Variants in FRMD5 observed in about 807,000 individuals in gnomAD.
The protein encoded by FRMD5 is FERM domain-containing protein 5.
A neutral mutation model predicts 69.0 loss-of-function variants in FRMD5; 20 were observed. The observed-to-expected ratio is 0.29, with a 90% CI of 0.20 to 0.42. The LOEUF (loss-of-function observed/expected upper bound fraction) is 0.42, where lower values mean the gene tolerates loss of function less well. Among genes scored for constraint, FRMD5 ranks in the 10% least tolerant of loss-of-function variants. FRMD5 has a pLI of 1.00. For missense variants in FRMD5, 595 were observed against 708.6 expected (o/e 0.84, Z 1.82); for synonymous variants, 271 against 260.1 (o/e 1.04, Z -0.40).
intron 1 of FRMD5, among the ~76,000 whole-genome samples, chr15:44,049,118 T>C (rs938032725): frequency 1.3e-5 from 2 of 152,306 alleles, no homozygotes; most frequent in Middle Eastern, 3.4e-3. Flanking sequence ...ATGAGGGAGA[T>C]AGCCCATGCA....
chr15:43,991,635 G>A (rs1889683207), intron 1 of FRMD5, among the ~76,000 whole-genome samples: 1 of 152,144 alleles, frequency 6.6e-6, no homozygotes, highest in Non-Finnish European at 1.5e-5. Context: ...TCTGTCTTTG[G>A]TGCTGATAAT....
chr15:43,979,837 G>T (rs2090521072), intron 1 of FRMD5, among the ~76,000 whole-genome samples: 1 of 152,166 alleles, frequency 6.6e-6, no homozygotes, highest in South Asian at 2.1e-4. Context: ...GTTAAATAAT[G>T]AGATAAAGCA....
intron 1 of FRMD5, among the ~76,000 whole-genome samples, chr15:44,185,563 G>A (rs1263413387): frequency 8.6e-5 from 13 of 152,030 alleles, no homozygotes; most frequent in Non-Finnish European, 1.5e-4. Context: ...AGGCTGAGGC[G>A]GGTGGATTGC....
chr15:43,956,784 T>A (rs971215602), intron 1 of FRMD5, among the ~76,000 whole-genome samples: 1 of 152,232 alleles, frequency 6.6e-6, no homozygotes, highest in African/African-American at 2.4e-5. Flanking sequence ...AGTTCATGAA[T>A]TTCAGAAGAA....
chr15:44,014,655 T>C (rs1208681911), intron 1 of FRMD5, among the ~76,000 whole-genome samples: 4 of 152,090 alleles, frequency 2.6e-5, no homozygotes, highest in African/African-American at 9.7e-5. Context: ...GAGAATCGCT[T>C]GAACCCAGGA....
chr15:44,021,379 A>G (rs1341022497), intron 1 of FRMD5, among the ~76,000 whole-genome samples: 1 of 152,214 alleles, frequency 6.6e-6, no homozygotes, highest in Non-Finnish European at 1.5e-5. Flanking sequence ...TCAGCATGGG[A>G]GGAAATATTT....
intron 1 of FRMD5, among the ~76,000 whole-genome samples, chr15:43,951,154 C>T (rs1017407559): frequency 2.0e-5 from 3 of 152,054 alleles, no homozygotes; most frequent in Admixed American, 6.5e-5. Context: ...GGCGTGGTGG[C>T]TCACACCTAT....
At chr15:44,198,267 C>T (rs1434648817), upstream of FRMD5, among the ~76,000 whole-genome samples, 1 of 148,136 alleles carries the variant, frequency 6.8e-6, no homozygotes, top group Non-Finnish European at 1.5e-5. Context: ...GGGAAGGTTG[C>T]TGTGAGCCAA....
At chr15:44,195,340 G>A (rs905434379), upstream of FRMD5, 8 of 467,866 alleles carry the variant, frequency 1.7e-5, no homozygotes, top group South Asian at 1.7e-4. Flanking sequence ...GGGCCAATGG[G>A]GGTCAGCGCG....
intron 13 of FRMD5, among the ~76,000 whole-genome samples, chr15:43,882,689 A>G (rs1366891417): frequency 1.3e-5 from 2 of 152,022 alleles, no homozygotes; most frequent in Non-Finnish European, 2.9e-5. Flanking sequence ...GAAGCAAAAC[A>G]TGGTGGCAGC....
chr15:44,170,816 T>A (rs922624410), intron 1 of FRMD5, among the ~76,000 whole-genome samples: 1 of 152,222 alleles, frequency 6.6e-6, no homozygotes, highest in African/African-American at 2.4e-5. Flanking sequence ...ACCTATAACA[T>A]GAAAACTCTA....
At chr15:43,991,078 G>A (rs1269521079) in intron 1 of FRMD5, among the ~76,000 whole-genome samples, 1 of 152,194 alleles carries the variant, frequency 6.6e-6, no homozygotes, top group East Asian at 1.9e-4. Flanking sequence ...CAATTAGAAT[G>A]GTTTAAGTTT....
At chr15:44,033,524 T>C (rs1052069124) in intron 1 of FRMD5, among the ~76,000 whole-genome samples, 1 of 152,246 alleles carries the variant, frequency 6.6e-6, no homozygotes, top group Non-Finnish European at 1.5e-5. Flanking sequence ...ACTTAATATT[T>C]TCATATATAA....
chr15:44,093,911 A>G (rs1436207740), intron 1 of FRMD5, among the ~76,000 whole-genome samples: 1 of 150,460 alleles, frequency 6.6e-6, no homozygotes, highest in Admixed American at 6.7e-5. Flanking sequence ...AGCCCCACTG[A>G]AAAAAAAAAT....
At chr15:44,044,191 T>G (rs1892329419) in intron 1 of FRMD5, among the ~76,000 whole-genome samples, 1 of 152,232 alleles carries the variant, frequency 6.6e-6, no homozygotes, top group East Asian at 1.9e-4. Flanking sequence ...CACTGGTCAT[T>G]AGAGAAATGC....
intron 1 of FRMD5, among the ~76,000 whole-genome samples, chr15:43,970,836 ACT>A (rs1025577817): frequency 6.6e-6 from 1 of 152,114 alleles, no homozygotes; most frequent in African/African-American, 2.4e-5. Flanking sequence ...ATTTAATTGC[ACT>A]CTGTTTGGGT....
At chr15:43,884,246 C>T (rs2088608009) in intron 12 of FRMD5, among the ~76,000 whole-genome samples, 1 of 152,224 alleles carries the variant, frequency 6.6e-6, no homozygotes, top group South Asian at 2.1e-4. Context: ...GGCTGGTTGG[C>T]AAATCCTACC....
intron 1 of FRMD5, among the ~76,000 whole-genome samples, chr15:43,988,335 A>G (rs1889496806): frequency 6.7e-6 from 1 of 149,996 alleles, no homozygotes; most frequent in East Asian, 2.0e-4. Flanking sequence ...CTACTCACTG[A>G]AGGCTCAGAT....
rs539336344 is a variant in FRMD5, at chr15:43,883,104, A to T, written c.1135+599T>A. 9.9e-5 allele frequency among the ~76,000 whole-genome samples: 15 copies of T among 151,472 alleles called. No homozygotes were observed. The East Asian group carries it at 2.3e-3, about 24-fold the overall frequency. On this transcript the variant is annotated intron_variant, in intron 13 of 13. Transcript: ENST00000417257. ...AGCCACTGCGCCAGCCCCTTTTTTT[A>T]AAAAATTCTTTTTTTTTTTTGGACA...
Sources: gnomAD v4.1 joint callset for allele counts (sites outside exome capture counted in the v4.1 genomes callset) on GRCh38, gnomAD v4.1.1 for gene constraint, MANE v1.5 for transcripts, NCBI Gene and HGNC (gene_info 2026-07-23, HGNC 2026-07-21) for gene names.